Variants in WDR4 observed in about 807,000 individuals in gnomAD.
WDR4 encodes the protein WDR4 tRNA N7-guanosine methyltransferase non-catalytic subunit.
Under a neutral mutation model 48.6 loss-of-function variants are expected in WDR4, and 47 were observed. That is an observed-to-expected ratio of 0.97 (90% confidence interval 0.77 to 1.23). The LOEUF (loss-of-function observed/expected upper bound fraction) is 1.23. WDR4 is among the 50% of genes most tolerant of loss of function. The pLI, the probability that WDR4 is intolerant of heterozygous loss-of-function variation, is 0.00. For synonymous variants in WDR4, 268 were observed against 230.0 expected, an observed-to-expected ratio of 1.17 and a Z score of -1.49; for missense variants, 606 against 551.6, an observed-to-expected ratio of 1.10 and a Z score of -0.99.
rs1252865410 is a variant in WDR4, at chr21:42,859,674, C to G, written c.615G>C (p.Leu205=). The change falls in exon 6 of 11, where the codon CTG becomes CTC. Residue 205 remains leucine, a synonymous_variant. Transcript: ENST00000398208. ...SVVPTQPGLL[L]SSSGDGTLRL... Reference sequence around the variant, plus strand: ...GCAGAACACTTACCCCAGAGGAGGACAGAAGCAGCCCGGGCTGAGTTGGCA... The same window carrying G: ...GCAGAACACTTACCCCAGAGGAGGAGAGAAGCAGCCCGGGCTGAGTTGGCA... The G allele has an allele frequency of 1.9e-6, 3 of 1,557,676 alleles. No homozygotes were observed. Among genetic ancestry groups the G allele is most frequent in the Admixed American group, 1.9e-5 (1 of 52,236 alleles).
At position 42,866,569 on chromosome 21, in the gene WDR4, G is replaced by A. The variant is rs536203711; in HGVS notation, c.297-2973C>T. On this transcript the variant is annotated intron_variant, in intron 3 of 10. Coordinates refer to ENST00000398208, the MANE Select transcript of WDR4 (RefSeq NM_018669.6). ...TCTAAGAGGCATAAAAAGCCTCCAG[G>A]TGTGGGGAGCAGCCCCCATGTTTGC... Among the ~76,000 whole-genome samples, 6 of 152,276 alleles carry A rather than the reference G, an allele frequency of 3.9e-5. No homozygotes were observed. In the East Asian group the frequency reaches 1.2e-3, roughly 29 times the overall value.
chr21:42,865,842 C>T (rs1569328177), intron 3 of WDR4, among the ~76,000 whole-genome samples: 2 of 152,118 alleles, frequency 1.3e-5, no homozygotes, highest in African/African-American at 4.8e-5. Flanking sequence ...ATCTCCACAC[C>T]CTCCGTTCTC....
At chr21:42,874,543 T>A (rs2058445985) in intron 2 of WDR4, among the ~76,000 whole-genome samples, 2 of 152,090 alleles carry the variant, frequency 1.3e-5, no homozygotes, top group African/African-American at 4.8e-5. Flanking sequence ...AAATGGGAGA[T>A]ATATAGCTGA....
chr21:42,851,361 A>G (rs1448111299), intron 10 of WDR4, among the ~76,000 whole-genome samples: 1 of 152,158 alleles, frequency 6.6e-6, no homozygotes, highest in Non-Finnish European at 1.5e-5. Context: ...GAGGGAGAGA[A>G]GCCTCAGAGG....
Position 42,862,355 on chromosome 21 carries a change from G to C in WDR4, c.493C>G (p.Arg165Gly), listed in dbSNP as rs762942524. The C allele has an allele frequency of 1.9e-6, 3 of 1,611,402 alleles. No individual in the cohort carries two copies. In the Admixed American group the frequency reaches 5.0e-5, roughly 27 times the overall value. The part of the protein sequence containing the change: ...PDDRFILTAD[R>G]DEKIRVSWAA... ...CAGCTGACTCGGATCTTCTCGTCCC[G>C]GTCGGCAGTGAGGATGAAGCGGTCA... The change falls in exon 5 of 11, where the codon CGG becomes GGG. Residue 165 changes from arginine (R) to glycine (G), a missense_variant. Arg to Gly is a moderately radical substitution (Grantham distance 125). Coordinates refer to ENST00000398208, the MANE Select transcript of WDR4 (RefSeq NM_018669.6). The surrounding 1 kb of genome is among the most constrained non-coding windows in gnomAD (Gnocchi z 4.3).
In WDR4 at chr21:42,864,183, C is replaced by T. The variant is rs541316169; in HGVS notation, c.297-587G>A. On this transcript the variant is annotated intron_variant, in intron 3 of 10. Coordinates refer to ENST00000398208, the MANE Select transcript of WDR4 (RefSeq NM_018669.6). The stretch of plus-strand genomic sequence containing the variant: ...GTGGGATCTAGGTGGTGGATAAATG[C>T]GTGACAAAATCCTCAACTTTCCTGT... Among the ~76,000 whole-genome samples the T allele has an allele frequency of 1.3e-4, 19 of 149,144 alleles. 1 individual carries two copies. The East Asian group carries it at 2.2e-3, about 17-fold the overall frequency.
At chr21:42,878,859 T>C (rs749859126) in intron 1 of WDR4, 10 of 733,462 alleles carry the variant, frequency 1.4e-5, no homozygotes, top group African/African-American at 1.9e-5. Flanking sequence ...CGGAGATGAC[T>C]TGGAGCCCTA....
chr21:42,880,872 T>A (rs1389487544), upstream of WDR4, among the ~76,000 whole-genome samples: 1 of 152,114 alleles, frequency 6.6e-6, no homozygotes, highest in Non-Finnish European at 1.5e-5. Flanking sequence ...TTAAAAGCTT[T>A]ATGGGCTTCT....
chr21:42,857,083 AAGGTGGTG>A lies in WDR4; in HGVS notation c.628-1311_628-1304del, dbSNP rs373031036. The stretch of plus-strand genomic sequence containing the variant: ...AACCGGGCCAGGCAGCCTGAAGACC[AAGGTGGTG>A]AGGGGAGCTGTCAAATGTCTTTACA... On this transcript the variant is annotated intron_variant, in intron 6 of 10. Coordinates refer to ENST00000398208, the MANE Select transcript of WDR4 (RefSeq NM_018669.6). 3.9e-3 allele frequency among the ~76,000 whole-genome samples: 591 copies of A among 152,234 alleles called. 2 individuals carry two copies. Among genetic ancestry groups the A allele is most frequent in the African/African-American group, 0.013 (543 of 41,538 alleles).
intron 6 of WDR4, among the ~76,000 whole-genome samples, chr21:42,857,857 G>GAA (rs2058031289): frequency 6.6e-6 from 1 of 152,138 alleles, no homozygotes; most frequent in Non-Finnish European, 1.5e-5. Context: ...CCAGTGGGCG[G>GAA]AAGTGGGTGG....
intron 3 of WDR4, among the ~76,000 whole-genome samples, chr21:42,864,533 C>G (rs1233209207): frequency 6.6e-6 from 1 of 152,228 alleles, no homozygotes; most frequent in East Asian, 1.9e-4. Flanking sequence ...GCACCCTACC[C>G]TCCTCGGGAG....
intron 11 of WDR4, among the ~76,000 whole-genome samples, chr21:42,843,978 G>A (rs991343765): frequency 2.6e-5 from 4 of 152,246 alleles, no homozygotes; most frequent in East Asian, 1.9e-4. Flanking sequence ...GGTGTGAGCC[G>A]CCAGCCTAGC....
At position 42,863,913 on chromosome 21, in the gene WDR4, T is replaced by C. The variant is rs1335486695; in HGVS notation, c.297-317A>G. 1.1e-3 allele frequency among the ~76,000 whole-genome samples: 110 copies of C among 98,082 alleles called. 1 individual carries two copies. The highest frequency in any genetic ancestry group is 6.3e-3 in the African/African-American group (98 of 15,520). 64.3% of individuals were successfully genotyped at this position (98,082 alleles called of 152,430 possible). A position where few individuals can be genotyped will look rare whatever the true frequency, so the allele number is the denominator to read the frequency against. ...CAAGGTCAGGAGATTGAGACCATTC[T>C]GGCTAACACGGTGAAAACCCCGTCT... is the stretch of plus-strand genomic sequence containing the variant. On this transcript the variant is annotated intron_variant, in intron 3 of 10. Transcript: ENST00000398208.
intron 10 of WDR4, among the ~76,000 whole-genome samples, chr21:42,851,896 A>G (rs536665079): frequency 2.6e-5 from 4 of 152,310 alleles, no homozygotes; most frequent in African/African-American, 9.6e-5. Context: ...AGTGGGATCA[A>G]TTCCCTCAAC....
At chr21:42,878,917 C>T (rs1411438349) in intron 1 of WDR4, 12 of 979,600 alleles carry the variant, frequency 1.2e-5, no homozygotes, top group African/African-American at 1.7e-5. Context: ...GAAGAGGGAA[C>T]AGACAACCCT....
downstream of WDR4, among the ~76,000 whole-genome samples, chr21:42,845,672 C>G (rs35462782): frequency 6.6e-6 from 1 of 152,268 alleles, no homozygotes; most frequent in South Asian, 2.1e-4. Flanking sequence ...GATCATGAGC[C>G]GCCACAGCCG....
At chr21:42,856,719 T>C (rs2058001187) in intron 6 of WDR4, among the ~76,000 whole-genome samples, 1 of 152,062 alleles carries the variant, frequency 6.6e-6, no homozygotes, top group Non-Finnish European at 1.5e-5. Context: ...CAGCTAACAG[T>C]AGATGCATAT....
At chr21:42,855,569 G>T in intron 7 of WDR4, 113 bp downstream of exon 7, 1 of 731,690 alleles carries the variant, frequency 1.4e-6, no homozygotes, top group Non-Finnish European at 2.2e-6. Context: ...ACAGGAGGAA[G>T]TCTGGCATTG....
At chr21:42,861,397 C>G (rs1602723887) in intron 5 of WDR4, among the ~76,000 whole-genome samples, 2 of 150,580 alleles carry the variant, frequency 1.3e-5, no homozygotes, top group East Asian at 3.9e-4. Context: ...AATTTTAATA[C>G]TATGTTTTTA....
Sources: gnomAD v4.1 joint callset for allele counts (sites outside exome capture counted in the v4.1 genomes callset) on GRCh38, gnomAD v4.1.1 for gene constraint, Gnocchi (gnomAD v3.1) non-coding constraint, MANE v1.5 for transcripts, NCBI Gene and HGNC (gene_info 2026-07-23, HGNC 2026-07-21) for gene names.